INTS6L: variants seen among roughly 807,000 people sequenced by gnomAD.
INTS6L encodes the protein integrator complex subunit 6-like.
A neutral mutation model predicts 64.7 loss-of-function variants in INTS6L; 18 were observed. The observed-to-expected ratio is 0.28, with a 90% CI of 0.19 to 0.41. INTS6L has a LOEUF of 0.41. Ranked by LOEUF, INTS6L falls within the 10% of genes least tolerant of loss-of-function variation. The pLI is 1.00. For missense variants in INTS6L, 533 were observed against 661.0 expected (o/e 0.81, Z 2.12); for synonymous variants, 227 against 235.9 (o/e 0.96, Z 0.34).
At chrX:135,530,267 T>C (rs894549173) in intron 2 of INTS6L, among the ~76,000 whole-genome samples, 4 of 112,175 alleles carry the variant, frequency 3.6e-5, no homozygotes, top group Admixed American at 2.8e-4. Context: ...CATATGTTTG[T>C]AAAACACTTT....
At chrX:135,544,657 T>C (rs1258504557) in intron 2 of INTS6L, among the ~76,000 whole-genome samples, 1 of 111,513 alleles carries the variant, frequency 9.0e-6, no homozygotes, top group Non-Finnish European at 1.9e-5. Context: ...CTCAGCACTT[T>C]TTGCTGCTTT....
chrX:135,546,496 T>C, intron 4 of INTS6L, 27 bp downstream of exon 4: 1 of 1,091,059 alleles, frequency 9.2e-7, no homozygotes, highest in East Asian at 3.1e-5. Context: ...TTTTTAATTT[T>C]GTTTAAATGG....
chrX:135,579,092 A>C (rs2148680111), intron 15 of INTS6L, among the ~76,000 whole-genome samples: 1 of 111,209 alleles, frequency 9.0e-6, no homozygotes, highest in East Asian at 2.9e-4. Context: ...TCATTTGCTC[A>C]TTGTGCATGT....
At chrX:135,526,804 A>C (rs1556501452) in intron 2 of INTS6L, among the ~76,000 whole-genome samples, 1 of 111,602 alleles carries the variant, frequency 9.0e-6, no homozygotes, top group African/African-American at 3.3e-5. Flanking sequence ...AATGGAAAAA[A>C]GGTTTCAAGC....
Position 135,572,834 on chromosome X carries a change from G to T in INTS6L, c.1418G>T (p.Arg473Leu). ...LSQQTKLESE[R>L]ILASVGKKPP... Reference sequence around the variant, plus strand: ...TTTTAGACCAAACTAGAGTCAGAACGAATACTAGCATCAGTGGGGAAGAAA... The same window carrying T: ...TTTTAGACCAAACTAGAGTCAGAACTAATACTAGCATCAGTGGGGAAGAAA... The change falls in exon 12 of 18, where the codon CGA (arginine) becomes CTA (leucine). Residue 473 changes from arginine (R) to leucine (L), a missense_variant. Coordinates refer to ENST00000639893, the MANE Select transcript of INTS6L (RefSeq NM_001351601.3). The T allele has an allele frequency of 8.3e-7, 1 of 1,210,877 alleles. No individual in the cohort carries two copies. Among genetic ancestry groups the T allele is most frequent in the Non-Finnish European group, 1.1e-6 (1 of 894,974 alleles).
Position 135,573,995 on chromosome X carries a change from A to G in INTS6L, c.1674A>G (p.Leu558=). ...NAYDIPRRGL[L]DQLTRMRSNL... ...ATGATATTCCCCGTAGAGGTCTTTTAGACCAGCTGACCAGAATGAGATCCA... is the reference window on the plus strand; with the variant it reads ...ATGATATTCCCCGTAGAGGTCTTTTGGACCAGCTGACCAGAATGAGATCCA... The change falls in exon 13 of 18, where the codon TTA becomes TTG. Residue 558 remains leucine, a synonymous_variant. Transcript: ENST00000639893. The G allele has an allele frequency of 8.3e-7, 1 of 1,207,467 alleles. No homozygotes were observed. The highest frequency in any genetic ancestry group is 1.1e-6 in the Non-Finnish European group (1 of 893,524).
chrX:135,557,473 A>C lies in INTS6L; in HGVS notation c.1192+1173A>C, dbSNP rs782718360. On this transcript the variant is annotated intron_variant, in intron 9 of 17. Coordinates refer to ENST00000639893, the MANE Select transcript of INTS6L (RefSeq NM_001351601.3). ...TATACAACTTGATGAGTTTGGAGATAAGTATATACGCATTAAACCATCACC... is the reference window on the plus strand; with the variant it reads ...TATACAACTTGATGAGTTTGGAGATCAGTATATACGCATTAAACCATCACC... 4.5e-5 allele frequency among the ~76,000 whole-genome samples: 5 copies of C among 111,729 alleles called. No individual in the cohort carries two copies. In the South Asian group the frequency reaches 1.9e-3, roughly 42 times the overall value.
chrX:135,578,303 C>T (rs1485856254), intron 15 of INTS6L, among the ~76,000 whole-genome samples: 5 of 111,592 alleles, frequency 4.5e-5, no homozygotes, highest in African/African-American at 1.6e-4. Flanking sequence ...AAATAAAACT[C>T]AGTAGGTTTC....
At chrX:135,576,652 G>A (rs1434305082) in intron 14 of INTS6L, among the ~76,000 whole-genome samples, 1 of 95,273 alleles carries the variant, frequency 1.0e-5, no homozygotes, top group Admixed American at 1.2e-4. Context: ...ACCAAAGTGG[G>A]CATATTTGAA....
At chrX:135,563,633 G>GTGTA (rs1556523326) in intron 9 of INTS6L, among the ~76,000 whole-genome samples, 47 of 10,369 alleles carry the variant, frequency 4.5e-3, no homozygotes, top group Admixed American at 7.0e-3. Context: ...GTGTGTGTGT[G>GTGTA]TATATATATA....
intron 2 of INTS6L, among the ~76,000 whole-genome samples, chrX:135,543,844 T>C (rs1215381402): frequency 1.8e-5 from 2 of 112,398 alleles, no homozygotes; most frequent in East Asian, 2.8e-4. Flanking sequence ...CAATAAGATT[T>C]TCCTTGGGCC....
At chrX:135,553,404 G>A (rs2086553690) in intron 8 of INTS6L, among the ~76,000 whole-genome samples, 2 of 109,032 alleles carry the variant, frequency 1.8e-5, no homozygotes, top group Admixed American at 9.9e-5. Flanking sequence ...CTCAAGCAAA[G>A]CGATCCTCCC....
intron 2 of INTS6L, among the ~76,000 whole-genome samples, chrX:135,536,776 A>C (rs181344120): frequency 1.1e-4 from 12 of 111,703 alleles, no homozygotes; most frequent in Non-Finnish European, 7.5e-5. Flanking sequence ...GGAGCCACTA[A>C]ATAACACTCC....
intron 16 of INTS6L, 57 bp from the exon 17 acceptor site, chrX:135,580,993 A>G: frequency 1.2e-6 from 1 of 846,700 alleles, no homozygotes; most frequent in Non-Finnish European, 1.6e-6. Flanking sequence ...ACAACAATTA[A>G]ATTTTATTTC....
At chrX:135,543,401 T>C (rs2086273676) in intron 2 of INTS6L, among the ~76,000 whole-genome samples, 1 of 111,596 alleles carries the variant, frequency 9.0e-6, no homozygotes, top group African/African-American at 3.3e-5. Context: ...TCTCTTCCCT[T>C]GCACAGTCCC....
In INTS6L at chrX:135,572,892, T is replaced by C. The variant is rs1556528498; in HGVS notation, c.1476T>C (p.Asn492=). Residue 492 remains asparagine, a synonymous_variant, in exon 12 of 18, where the codon AAT becomes AAC. Coordinates refer to ENST00000639893, the MANE Select transcript of INTS6L (RefSeq NM_001351601.3). ...AGGAAATTGGAATTAAAGTGAAAAATCATTCTGGAGGTGGCATGTCCTTGA... is the reference window on the plus strand; with the variant it reads ...AGGAAATTGGAATTAAAGTGAAAAACCATTCTGGAGGTGGCATGTCCTTGA... ...PPQEIGIKVK[N]HSGGGMSLTH... The C allele has an allele frequency of 8.3e-7, 1 of 1,209,659 alleles. No individual in the cohort carries two copies. The highest frequency in any genetic ancestry group is 1.8e-5 in the African/African-American group (1 of 57,118).
chrX:135,547,382 T>G (rs1349894918), intron 6 of INTS6L, 117 bp downstream of exon 6: 1 of 836,804 alleles, frequency 1.2e-6, no homozygotes, highest in Non-Finnish European at 1.7e-6. Context: ...GTTACAAACA[T>G]ACATCCAAAC....
intron 15 of INTS6L, among the ~76,000 whole-genome samples, chrX:135,578,076 C>A (rs781896119): frequency 3.6e-5 from 4 of 111,584 alleles, no homozygotes; most frequent in African/African-American, 1.3e-4. Context: ...CCCTTTCATC[C>A]TCTTTTTCTG....
chrX:135,548,888 G>A (rs1255367384), intron 6 of INTS6L, among the ~76,000 whole-genome samples: 2 of 111,802 alleles, frequency 1.8e-5, no homozygotes, highest in Non-Finnish European at 3.8e-5. Context: ...GATTTGAGGC[G>A]GGGGGAGAAG....
Sources: gnomAD v4.1 joint callset for allele counts (sites outside exome capture counted in the v4.1 genomes callset) on GRCh38, gnomAD v4.1.1 for gene constraint, MANE v1.5 for transcripts, NCBI Gene and HGNC (gene_info 2026-07-23, HGNC 2026-07-21) for gene names.